The following HLCS variants were observed in gnomAD, a reference collection of about 807,000 sequenced individuals.
HLCS encodes holocarboxylase synthetase, also known as biotin--protein ligase.
HLCS carries 53 observed loss-of-function variants against 75.0 expected under a neutral mutation model. The ratio of observed to expected loss-of-function variants is 0.71; its 90% CI spans 0.57 to 0.89. The LOEUF (loss-of-function observed/expected upper bound fraction) is 0.89. Among genes scored for constraint, HLCS ranks in the 40% least tolerant of loss-of-function variants. The pLI, the probability that HLCS is intolerant of heterozygous loss-of-function variation, is 0.00. For synonymous variants in HLCS, 431 were observed against 428.6 expected (o/e 1.01, Z -0.07); for missense variants, 966 against 1,074.0 (o/e 0.90, Z 1.41).
At chr21:36,828,479 ACT>A in intron 6 of HLCS, among the ~76,000 whole-genome samples, 1 of 151,852 alleles carries the variant, frequency 6.6e-6, no homozygotes, top group Non-Finnish European at 1.5e-5. Flanking sequence ...GCTGAACAAA[ACT>A]CTTTTTTTCC....
intron 6 of HLCS, among the ~76,000 whole-genome samples, chr21:36,865,491 T>G (rs1776496374): frequency 6.6e-6 from 1 of 152,230 alleles, no homozygotes; most frequent in African/African-American, 2.4e-5. Flanking sequence ...ATTAGAACTC[T>G]GTGGCTTGCC....
chr21:36,990,165 G>A (rs1243717329), exon 1 of HLCS: 1 of 152,488 alleles, frequency 6.6e-6, no homozygotes, highest in Non-Finnish European at 1.5e-5. Context: ...TACTTCTGAG[G>A]CCGAAACGCG....
At chr21:36,856,217 G>C (rs1215218442) in intron 6 of HLCS, among the ~76,000 whole-genome samples, 1 of 152,206 alleles carries the variant, frequency 6.6e-6, no homozygotes, top group Non-Finnish European at 1.5e-5. Context: ...TTAAGTGGTT[G>C]AATTGTATGG....
At chr21:36,872,284 G>C (rs1378501791) in intron 6 of HLCS, among the ~76,000 whole-genome samples, 3 of 151,724 alleles carry the variant, frequency 2.0e-5, no homozygotes, top group Non-Finnish European at 4.4e-5. Context: ...TTAGCCAGGC[G>C]TGGTGGCGGG....
chr21:36,825,734 G>A (rs74491975), intron 6 of HLCS, among the ~76,000 whole-genome samples: 10,609 of 152,206 alleles, frequency 0.07, 512 homozygotes, highest in East Asian at 0.17. Context: ...ATCTCCAGAC[G>A]TCGGCAATGC....
At chr21:36,836,827 A>C (rs1236078191) in intron 6 of HLCS, among the ~76,000 whole-genome samples, 1 of 152,128 alleles carries the variant, frequency 6.6e-6, no homozygotes, top group East Asian at 1.9e-4. Context: ...GCATGATCTA[A>C]GCTTCTTTCT....
intron 6 of HLCS, among the ~76,000 whole-genome samples, chr21:36,818,853 G>A (rs1048202797): frequency 3.9e-5 from 6 of 152,130 alleles, no homozygotes; most frequent in Non-Finnish European, 7.4e-5. Flanking sequence ...CCTTACAGGC[G>A]AAAATCTGAA....
intron 6 of HLCS, among the ~76,000 whole-genome samples, chr21:36,781,766 G>A (rs991460387): frequency 1.3e-5 from 2 of 152,110 alleles, no homozygotes; most frequent in Admixed American, 6.5e-5. Flanking sequence ...TGGAGACAGT[G>A]GGCCTCCTTG....
chr21:36,962,150 C>T lies in HLCS; in HGVS notation c.216G>A (p.Lys72=), dbSNP rs1169810636. ...SDSQSIEDLN[K]WALFLVSPFI... ...AAGGAGACACAAGAAATAGGGCCCA[C>T]TTGTTCAAGTCTTCAATGGACTGTA... Residue 72 remains lysine, a synonymous_variant, in exon 2 of 11, where the codon AAG becomes AAA. Transcript: ENST00000674895. 3.1e-6 allele frequency: 4 copies of T among 1,288,704 alleles called. No individual in the cohort carries two copies. Among genetic ancestry groups the T allele is most frequent in the African/African-American group, 3.0e-5 (2 of 65,794 alleles). 79.8% of individuals were successfully genotyped at this position (1,288,704 alleles called of 1,614,324 possible).
rs2089435820 is a variant in HLCS, at chr21:36,753,272, T to G, written c.*974A>C. On this transcript the variant is annotated 3_prime_UTR_variant, in exon 11 of 11. Coordinates refer to ENST00000674895, the MANE Select transcript of HLCS (RefSeq NM_001352514.2). The surrounding 1 kb of genome is among the most constrained non-coding windows in gnomAD (Gnocchi z 4.3). ...CGAGGTAAATGAGGGGGGCAAAAAC[T>G]TATGACTTCTGAGTAAAATGCCATG... The G allele has an allele frequency of 6.6e-6, 1 of 152,526 alleles. No individual in the cohort carries two copies. 9.4% of individuals were successfully genotyped at this position (152,526 alleles called of 1,614,324 possible). A position where few individuals can be genotyped will look rare whatever the true frequency, so the allele number is the denominator to read the frequency against.
intron 6 of HLCS, among the ~76,000 whole-genome samples, chr21:36,870,132 C>T (rs781599502): frequency 6.6e-6 from 1 of 152,282 alleles, no homozygotes; most frequent in South Asian, 2.1e-4. Context: ...CTGTCAGCAG[C>T]GAAACCTGGT....
intron 2 of HLCS, among the ~76,000 whole-genome samples, chr21:36,961,752 A>G (rs970106560): frequency 4.6e-5 from 7 of 152,032 alleles, no homozygotes; most frequent in African/African-American, 1.7e-4. Context: ...TCAGGAGTTC[A>G]AGACCAGCCT....
chr21:36,886,972 CA>C (rs1438823963), intron 6 of HLCS, among the ~76,000 whole-genome samples: 2 of 151,712 alleles, frequency 1.3e-5, no homozygotes, highest in South Asian at 4.2e-4. Flanking sequence ...ACTAAAAATA[CA>C]AAAAAAATTA....
At chr21:36,920,690 G>A (rs8129230) in intron 5 of HLCS, among the ~76,000 whole-genome samples, 3,455 of 152,046 alleles carry the variant, frequency 0.023, 123 homozygotes, top group African/African-American at 0.078. Context: ...TTTTAAAGCC[G>A]TCTACCAAGA....
In HLCS at chr21:36,756,188, C is replaced by T. The variant is rs145280272; in HGVS notation, c.2450+354G>A. Among the ~76,000 whole-genome samples, 791 of 152,104 alleles carry T rather than the reference C, an allele frequency of 5.2e-3. 9 individuals carry two copies. Among genetic ancestry groups the T allele is most frequent in the African/African-American group, 0.018 (761 of 41,472 alleles). ...GCGCGGTGGCTCACACCTGTAATCC[C>T]AGCACTTTGGGAGGCCAAGGCGGGC... is the stretch of plus-strand genomic sequence containing the variant. On this transcript the variant is annotated intron_variant, in intron 10 of 10. Coordinates refer to ENST00000674895, the MANE Select transcript of HLCS (RefSeq NM_001352514.2).
chr21:36,955,085 A>C (rs561159727), intron 2 of HLCS, among the ~76,000 whole-genome samples: 16 of 152,270 alleles, frequency 1.1e-4, no homozygotes, highest in Non-Finnish European at 2.2e-4. Flanking sequence ...AAAACAGTTA[A>C]CTGTAACAGC....
chr21:36,791,949 C>T (rs551789486), intron 6 of HLCS, among the ~76,000 whole-genome samples: 1 of 152,242 alleles, frequency 6.6e-6, no homozygotes, highest in African/African-American at 2.4e-5. Context: ...GGGATGGACA[C>T]AGCAGGTTTC....
intron 7 of HLCS, among the ~76,000 whole-genome samples, chr21:36,765,607 T>C (rs765320692): frequency 1.1e-4 from 16 of 152,188 alleles, no homozygotes; most frequent in Non-Finnish European, 2.1e-4. Flanking sequence ...CCAGCAAATA[T>C]GCCATTAAAT....
chr21:36,820,889 G>A (rs910447635), intron 6 of HLCS, among the ~76,000 whole-genome samples: 4 of 152,214 alleles, frequency 2.6e-5, no homozygotes, highest in South Asian at 2.1e-4. Context: ...AGTCAGCTCC[G>A]TGGGTGGTGA....
Sources: gnomAD v4.1 joint callset for allele counts (sites outside exome capture counted in the v4.1 genomes callset) on GRCh38, gnomAD v4.1.1 for gene constraint, Gnocchi (gnomAD v3.1) non-coding constraint, MANE v1.5 for transcripts, NCBI Gene and HGNC (gene_info 2026-07-23, HGNC 2026-07-21) for gene names.